Variants in ARAP2 observed in about 807,000 individuals in gnomAD.
The protein encoded by ARAP2 is ArfGAP with RhoGAP domain, ankyrin repeat and PH domain 2, also known as arf-GAP with Rho-GAP domain, ANK repeat and PH domain-containing protein 2.
ARAP2 carries 148 observed loss-of-function variants against 194.5 expected under a neutral mutation model. The observed-to-expected ratio is 0.76, with a 90% confidence interval of 0.67 to 0.87. The LOEUF is 0.87. ARAP2 is among the 40% of genes least tolerant of loss of function. ARAP2 has a pLI of 0.00. For synonymous variants in ARAP2, 695 were observed against 683.5 expected (o/e 1.02, Z -0.26); for missense variants, 2,128 against 1,989.7 (o/e 1.07, Z -1.32).
intron 8 of ARAP2, among the ~76,000 whole-genome samples, chr4:36,179,133 A>G (rs1297845573): frequency 2.0e-5 from 3 of 152,220 alleles, no homozygotes; most frequent in Admixed American, 6.5e-5. Context: ...AAACCATTTC[A>G]CCATTTTTAG....
chr4:36,084,572 T>C (rs1730381469), intron 28 of ARAP2, among the ~76,000 whole-genome samples: 1 of 152,132 alleles, frequency 6.6e-6, no homozygotes, highest in Admixed American at 6.6e-5. Context: ...CTAATTAAAA[T>C]AGACTATTAA....
At chr4:36,121,350 T>C in intron 22 of ARAP2, 24 bp from the exon 23 acceptor site, 3 of 1,547,848 alleles carry the variant, frequency 1.9e-6, no homozygotes, top group Non-Finnish European at 2.6e-6. Flanking sequence ...GCATAGTTTA[T>C]TATGATACAC....
At chr4:36,048,443 C>T (rs1293927045) in intron 3 of ARAP2, among the ~76,000 whole-genome samples, 1 of 152,188 alleles carries the variant, frequency 6.6e-6, no homozygotes, top group Non-Finnish European at 1.5e-5. Context: ...TTAGCTCCCA[C>T]TTATAAGTGA....
At chr4:36,107,063 T>A (rs371440748) in intron 27 of ARAP2, among the ~76,000 whole-genome samples, 1 of 152,000 alleles carries the variant, frequency 6.6e-6, no homozygotes. Context: ...TAACCGTACA[T>A]GAGCACTATC....
chr4:36,109,478 C>T (rs964426851), intron 26 of ARAP2, among the ~76,000 whole-genome samples: 1 of 151,816 alleles, frequency 6.6e-6, no homozygotes, highest in African/African-American at 2.4e-5. Context: ...CAGAAAGACT[C>T]ACAGACAAAA....
Position 36,228,947 on chromosome 4 carries a change from T to A in ARAP2, c.540A>T (p.Ser180=). ...LFGSDNIKIE[S]LITKKTVDHT... ...GATCCACAGTCTTCTTTGTAATCAA[T>A]GATTCTATTTTAATATTGTCACTAC... is the stretch of plus-strand genomic sequence containing the variant. The change falls in exon 2 of 33, where the codon TCA becomes TCT. Residue 180 remains serine, a synonymous_variant. Transcript: ENST00000303965. The A allele has an allele frequency of 6.2e-7, 1 of 1,614,114 alleles. No individual in the cohort carries two copies. Among genetic ancestry groups the A allele is most frequent in the Non-Finnish European group, 8.5e-7 (1 of 1,179,994 alleles).
chr4:36,035,971 C>A (rs1232501110), intron 5 of ARAP2, among the ~76,000 whole-genome samples: 1 of 152,068 alleles, frequency 6.6e-6, no homozygotes, highest in Non-Finnish European at 1.5e-5. Context: ...TTTCTGAAAT[C>A]TCTGTGACAT....
intron 15 of ARAP2, among the ~76,000 whole-genome samples, chr4:36,158,210 C>G (rs187593181): frequency 2.0e-5 from 3 of 151,976 alleles, no homozygotes; most frequent in African/African-American, 7.3e-5. Flanking sequence ...ATTCCCCAAA[C>G]CTAGAATATA....
chr4:36,141,056 A>C (rs1728195423), intron 19 of ARAP2, among the ~76,000 whole-genome samples: 1 of 151,658 alleles, frequency 6.6e-6, no homozygotes, highest in Non-Finnish European at 1.5e-5. Flanking sequence ...CTTATTTCTT[A>C]GAAAAAGATA....
In ARAP2 at chr4:36,160,520, T is replaced by C; in HGVS notation, c.2381A>G (p.Tyr794Cys). The C allele has an allele frequency of 6.4e-7, 1 of 1,570,262 alleles. No homozygotes were observed. The highest frequency in any genetic ancestry group is 1.4e-5 in the African/African-American group (1 of 71,854). Residue 794 changes from tyrosine to cysteine, a missense_variant, in exon 13 of 33, where the codon TAT becomes TGT. Tyr to Cys is a radical substitution (Grantham distance 194). Transcript: ENST00000303965. The part of the protein sequence containing the change: ...EKRKNFITQK[Y>C]KEGKFRKTLL... ...AGTTTTTCTGAATTTTCCTTCTTTA[T>C]ATTTCTGAGTAATAAAGTTTTTTCT...
chr4:36,244,691 C>T (rs1456202104), upstream of ARAP2, among the ~76,000 whole-genome samples: 2 of 152,104 alleles, frequency 1.3e-5, no homozygotes, highest in African/African-American at 4.8e-5. Flanking sequence ...CCGGAGGCGT[C>T]AGACCCCGCT....
intron 27 of ARAP2, among the ~76,000 whole-genome samples, chr4:36,093,281 A>C (rs1714241950): frequency 6.6e-6 from 1 of 152,110 alleles, no homozygotes; most frequent in Non-Finnish European, 1.5e-5. Context: ...GGGTGATGAA[A>C]TAATCTGCAC....
At chr4:36,169,716 T>C (rs758922134) in intron 9 of ARAP2, among the ~76,000 whole-genome samples, 7 of 152,098 alleles carry the variant, frequency 4.6e-5, no homozygotes, top group Non-Finnish European at 1.0e-4. Context: ...TGTATTTTAG[T>C]AGAGACGGGG....
chr4:36,228,848 G>A lies in ARAP2; in HGVS notation c.639C>T (p.Asp213=), dbSNP rs1484045722. 1 of 1,614,174 alleles carries A rather than the reference G, an allele frequency of 6.2e-7. No homozygotes were observed. Among genetic ancestry groups the A allele is most frequent in the East Asian group, 2.2e-5 (1 of 44,882 alleles). Residue 213 remains aspartate (D), a synonymous_variant, in exon 2 of 33, where the codon GAC becomes GAT. Coordinates refer to ENST00000303965, the MANE Select transcript of ARAP2 (RefSeq NM_015230.4). ...TENLSKLPNA[D]SECLSFVGCS... is the part of the protein sequence containing the mutation. ...AGCCAACAAAAGAAAGGCATTCAGAGTCTGCATTAGGGAGCTTACTGAGAT... is the reference window on the plus strand; with the variant it reads ...AGCCAACAAAAGAAAGGCATTCAGAATCTGCATTAGGGAGCTTACTGAGAT...
chr4:36,174,862 G>T (rs1303899810), intron 9 of ARAP2, among the ~76,000 whole-genome samples: 1 of 152,082 alleles, frequency 6.6e-6, no homozygotes, highest in Non-Finnish European at 1.5e-5. Context: ...CAATAAATGA[G>T]ATTCCTCTTT....
intron 6 of ARAP2, among the ~76,000 whole-genome samples, chr4:36,195,625 C>G (rs111618467): frequency 1.4e-3 from 207 of 152,290 alleles, no homozygotes; most frequent in Non-Finnish European, 2.2e-3. Context: ...AAATAATTAA[C>G]ATCTGTGGGG....
At chr4:36,150,847 T>G in intron 16 of ARAP2, 53 bp downstream of exon 16, 1 of 1,559,890 alleles carries the variant, frequency 6.4e-7, no homozygotes, top group Non-Finnish European at 8.7e-7. Context: ...CATTACCTGT[T>G]ATAATTATCT....
chr4:36,198,931 T>A (rs1743771282), intron 6 of ARAP2, among the ~76,000 whole-genome samples: 1 of 152,054 alleles, frequency 6.6e-6, no homozygotes, highest in Non-Finnish European at 1.5e-5. Flanking sequence ...TAGCCACAAC[T>A]TGGGCATCTG....
At chr4:36,148,532 T>C (rs571864317) in intron 16 of ARAP2, 25 bp from the exon 17 acceptor site, 11 of 1,520,476 alleles carry the variant, frequency 7.2e-6, no homozygotes, top group Middle Eastern at 1.7e-4. Context: ...AATAAAAAGA[T>C]ACTACCAGTT....
Sources: gnomAD v4.1 joint callset for allele counts (sites outside exome capture counted in the v4.1 genomes callset) on GRCh38, gnomAD v4.1.1 for gene constraint, MANE v1.5 for transcripts, NCBI Gene and HGNC (gene_info 2026-07-23, HGNC 2026-07-21) for gene names.